LRBA: variants seen among roughly 807,000 people sequenced by gnomAD.
LRBA encodes lipopolysaccharide-responsive and beige-like anchor protein.
LRBA carries 176 observed loss-of-function variants against 330.0 expected under a neutral mutation model. The ratio of observed to expected loss-of-function variants is 0.53; its 90% CI spans 0.47 to 0.60. LRBA has a LOEUF of 0.60. Ranked by LOEUF, LRBA falls within the 20% of genes least tolerant of loss-of-function variation. The pLI is 0.00. For missense variants in LRBA, 3,259 were observed against 3,444.8 expected, an observed-to-expected ratio of 0.95 and a Z score of 1.35; for synonymous variants, 1,230 against 1,193.0, an observed-to-expected ratio of 1.03 and a Z score of -0.64.
intron 22 of LRBA, among the ~76,000 whole-genome samples, chr4:150,864,095 G>A (rs747898748): frequency 2.6e-5 from 4 of 151,918 alleles, no homozygotes; most frequent in Non-Finnish European, 5.9e-5. Flanking sequence ...TCACCACCAC[G>A]CCCAGCTAAT....
At chr4:150,419,956 C>A (rs1748402667) in intron 46 of LRBA, among the ~76,000 whole-genome samples, 1 of 150,350 alleles carries the variant, frequency 6.7e-6, no homozygotes, top group Non-Finnish European at 1.5e-5. Context: ...ATATGTCTAG[C>A]CCAGGCACCG....
chr4:150,276,074 C>G (rs1746721803), intron 56 of LRBA, among the ~76,000 whole-genome samples: 1 of 152,160 alleles, frequency 6.6e-6, no homozygotes, highest in Admixed American at 6.5e-5. Context: ...GGTACTGGTA[C>G]CAAAACAGAT....
intron 4 of LRBA, among the ~76,000 whole-genome samples, chr4:150,928,023 A>T (rs779741607): frequency 2.6e-5 from 4 of 152,192 alleles, no homozygotes; most frequent in Non-Finnish European, 5.9e-5. Context: ...ATGGTGGAAG[A>T]AACAGTTTGA....
chr4:150,862,568 C>G (rs889249363), intron 22 of LRBA, among the ~76,000 whole-genome samples: 12 of 151,674 alleles, frequency 7.9e-5, no homozygotes, highest in African/African-American at 2.7e-4. Context: ...AGGAGATATA[C>G]CTAATGTAAA....
At chr4:150,498,830 AC>A (rs1759893823) in intron 40 of LRBA, among the ~76,000 whole-genome samples, 1 of 152,190 alleles carries the variant, frequency 6.6e-6, no homozygotes. Context: ...ATTTCAATAT[AC>A]AATTTCAATA....
At chr4:150,725,851 A>G (rs1729594484) in intron 36 of LRBA, among the ~76,000 whole-genome samples, 1 of 152,206 alleles carries the variant, frequency 6.6e-6, no homozygotes, top group South Asian at 2.1e-4. Context: ...AAGTTACAGC[A>G]TAGAGTTTTT....
chr4:150,929,666 A>G (rs1342061777), intron 2 of LRBA, among the ~76,000 whole-genome samples: 1 of 152,224 alleles, frequency 6.6e-6, no homozygotes, highest in Non-Finnish European at 1.5e-5. Context: ...ATAGCTATAC[A>G]GGCCTTGTCA....
chr4:150,823,882 T>C (rs1745837360), intron 30 of LRBA, among the ~76,000 whole-genome samples: 2 of 152,116 alleles, frequency 1.3e-5, no homozygotes, highest in Non-Finnish European at 2.9e-5. Context: ...TGAAGTTTTG[T>C]TCTCTTTGCT....
Position 150,593,575 on chromosome 4 carries a change from T to C in LRBA, c.6047-2716A>G, listed in dbSNP as rs72736329. ...AAACAAAACAACCACTGTTCAAATA[T>C]GAATGTGTATATAATTAATTTGTTT... On this transcript the variant is annotated intron_variant, in intron 38 of 56. Transcript: ENST00000651943. Among the ~76,000 whole-genome samples the C allele has an allele frequency of 1.6e-3, 244 of 152,340 alleles. 1 individual carries two copies. Among genetic ancestry groups the C allele is most frequent in the Admixed American group, 3.7e-3 (56 of 15,304 alleles).
At chr4:150,802,947 G>A (rs1441308385) in intron 33 of LRBA, among the ~76,000 whole-genome samples, 24 of 149,684 alleles carry the variant, frequency 1.6e-4, no homozygotes, top group Admixed American at 1.3e-4. Context: ...GCTTGAACTC[G>A]GGAGGCAGAG....
At chr4:150,698,448 G>A (rs966264764) in intron 36 of LRBA, among the ~76,000 whole-genome samples, 2 of 152,056 alleles carry the variant, frequency 1.3e-5, no homozygotes, top group Non-Finnish European at 2.9e-5. Context: ...TATTTTACAA[G>A]AACATACTGA....
intron 37 of LRBA, among the ~76,000 whole-genome samples, chr4:150,663,596 A>G (rs1393603248): frequency 6.6e-6 from 1 of 152,006 alleles, no homozygotes. Context: ...AAAGACATCC[A>G]TGGAATCTCA....
At chr4:150,413,458 A>T (rs1747300152) in intron 47 of LRBA, among the ~76,000 whole-genome samples, 1 of 152,178 alleles carries the variant, frequency 6.6e-6, no homozygotes, top group Admixed American at 6.6e-5. Flanking sequence ...AATACAAAGA[A>T]ATTAACTACT....
intron 42 of LRBA, among the ~76,000 whole-genome samples, chr4:150,486,177 AAATC>A (rs1757848380): frequency 6.6e-6 from 1 of 151,920 alleles, no homozygotes; most frequent in Non-Finnish European, 1.5e-5. Context: ...TATATGTATC[AAATC>A]ATCATGAGGT....
chr4:150,628,176 C>G (rs1777030201), intron 37 of LRBA, among the ~76,000 whole-genome samples: 1 of 152,114 alleles, frequency 6.6e-6, no homozygotes, highest in African/African-American at 2.4e-5. Flanking sequence ...CCAACAGAGA[C>G]AGTTAATACT....
intron 39 of LRBA, 24 bp from the exon 40 acceptor site, chr4:150,588,208 A>G (rs1348038157): frequency 1.3e-6 from 2 of 1,556,584 alleles, no homozygotes; most frequent in Non-Finnish European, 1.7e-6. Context: ...AAGACAAGCC[A>G]CACAAGTTGG....
chr4:150,662,832 G>C (rs1471837381), intron 37 of LRBA, among the ~76,000 whole-genome samples: 3 of 151,988 alleles, frequency 2.0e-5, no homozygotes, highest in Non-Finnish European at 4.4e-5. Context: ...GCCATGGGTG[G>C]TAGCAGTCTT....
At chr4:150,848,045 C>T (rs1470624619) in intron 26 of LRBA, among the ~76,000 whole-genome samples, 3 of 151,912 alleles carry the variant, frequency 2.0e-5, no homozygotes, top group Non-Finnish European at 2.9e-5. Context: ...GACAGAGTCC[C>T]GCTCAATTGC....
In LRBA at chr4:151,014,666, C is replaced by G; in HGVS notation, c.-24G>C. 1 of 1,537,198 alleles carries G rather than the reference C, an allele frequency of 6.5e-7. No individual in the cohort carries two copies. The highest frequency in any genetic ancestry group is 8.9e-7 in the Non-Finnish European group (1 of 1,126,700). On this transcript the variant is annotated 5_prime_UTR_variant, in exon 2 of 57. Transcript: ENST00000651943. ...ATTGCTAGCTCACGATAAAGGACAA[C>G]TCAGAGTCACCCTGGGACGGCAGTC...
Sources: allele counts gnomAD v4.1 joint callset (sites outside exome capture counted in the v4.1 genomes callset), GRCh38; gene constraint gnomAD v4.1.1; transcripts MANE v1.5; gene names NCBI Gene and HGNC (gene_info 2026-07-23, HGNC 2026-07-21).